The following AGBL1 variants were observed in gnomAD, a reference collection of about 807,000 sequenced individuals.
The protein encoded by AGBL1 is AGBL carboxypeptidase 1.
A neutral mutation model predicts 118.9 loss-of-function variants in AGBL1; 130 were observed. That is an observed-to-expected ratio of 1.09 (90% CI 0.95 to 1.26). The LOEUF (loss-of-function observed/expected upper bound fraction) is 1.26, where lower values mean the gene tolerates loss of function less well. AGBL1 is among the 50% of genes most tolerant of loss of function. The probability of loss-of-function intolerance (pLI) is 0.00; values close to 1 mark genes in which losing one functional copy is unlikely to be tolerated. For synonymous variants in AGBL1, 555 were observed against 478.9 expected (o/e 1.16, Z -2.08); for missense variants, 1,584 against 1,298.1 (o/e 1.22, Z -3.38).
intron 21 of AGBL1, among the ~76,000 whole-genome samples, chr15:86,652,307 A>T (rs919257828): frequency 1.4e-4 from 21 of 152,118 alleles, no homozygotes; most frequent in African/African-American, 4.8e-4. Flanking sequence ...GATAAAATCA[A>T]TTTCCATTTC....
At chr15:86,548,663 G>GCGCGCACACA (rs1028988193) in intron 20 of AGBL1, among the ~76,000 whole-genome samples, 1 of 142,694 alleles carries the variant, frequency 7.0e-6, no homozygotes, top group African/African-American at 2.6e-5. Flanking sequence ...ACACATGCAC[G>GCGCGCACACA]CACACACACA....
At chr15:86,156,521 A>G (rs528506205) in intron 4 of AGBL1, among the ~76,000 whole-genome samples, 1 of 152,260 alleles carries the variant, frequency 6.6e-6, no homozygotes, top group East Asian at 1.9e-4. Context: ...GCTTCAATGT[A>G]TGAATTTAGG....
intron 23 of AGBL1, among the ~76,000 whole-genome samples, chr15:86,961,098 C>T (rs2080988295): frequency 1.3e-5 from 2 of 152,050 alleles, no homozygotes; most frequent in African/African-American, 4.8e-5. Context: ...TATCCCCACA[C>T]TCCCACAGAC....
intron 22 of AGBL1, among the ~76,000 whole-genome samples, chr15:86,878,071 T>G (rs2079837695): frequency 6.6e-6 from 1 of 152,156 alleles, no homozygotes; most frequent in African/African-American, 2.4e-5. Flanking sequence ...GAGGGACTGA[T>G]TTCCACATGG....
chr15:86,154,474 G>A lies in AGBL1; in HGVS notation c.307G>A (p.Val103Met), dbSNP rs1022416065. The A allele has an allele frequency of 5.0e-6, 8 of 1,612,952 alleles. No individual in the cohort carries two copies. The highest frequency in any genetic ancestry group is 2.7e-5 in the African/African-American group (2 of 74,894). ...GGCCCTAGAATTGGAAGCACTTGAT[G>A]TGACATTGATTCTGGCCAGGAAGAA... ...RKALELEALD[V>M]TLILARKNLS... Residue 103 changes from valine to methionine, a missense_variant, in exon 4 of 23, where the codon GTG becomes ATG. Transcript: ENST00000614907.
rs763030106 is a variant in AGBL1 at position 86,911,811 on chromosome 15, A to G, written c.*4517A>G. 19 of 152,126 alleles carry G rather than the reference A, an allele frequency of 1.2e-4. No homozygotes were observed. The highest frequency in any genetic ancestry group is 3.4e-4 in the African/African-American group (14 of 41,422). 9.4% of individuals were successfully genotyped at this position (152,126 alleles called of 1,614,324 possible). On this transcript the variant is annotated 3_prime_UTR_variant, in exon 23 of 23. Transcript: ENST00000614907. ...CTATAAAACTTGTCCTCATCACCCA[A>G]TGCCAAGTTATATATAATCTCTCTT...
chr15:86,783,463 G>T (rs2141313899), intron 22 of AGBL1, among the ~76,000 whole-genome samples: 1 of 152,238 alleles, frequency 6.6e-6, no homozygotes, highest in East Asian at 1.9e-4. Context: ...CACAGCACAA[G>T]AACAGGAAGA....
At chr15:86,354,563 A>C (rs1395802659) in intron 17 of AGBL1, among the ~76,000 whole-genome samples, 1 of 152,214 alleles carries the variant, frequency 6.6e-6, no homozygotes, top group Non-Finnish European at 1.5e-5. Flanking sequence ...AAAACAGAGG[A>C]GAGACATATT....
intron 21 of AGBL1, among the ~76,000 whole-genome samples, chr15:86,607,221 C>CA (rs2142383027): frequency 6.6e-6 from 1 of 152,272 alleles, no homozygotes; most frequent in East Asian, 1.9e-4. Flanking sequence ...TAGTGAAGGA[C>CA]ACTTTGATTG....
intron 22 of AGBL1, among the ~76,000 whole-genome samples, chr15:86,899,147 A>G (rs888470433): frequency 3.3e-5 from 5 of 152,216 alleles, no homozygotes; most frequent in African/African-American, 1.2e-4. Flanking sequence ...TTAAATGCCC[A>G]TCGATGATAG....
At chr15:86,293,163 A>G (rs1423225434) in intron 16 of AGBL1, among the ~76,000 whole-genome samples, 1 of 152,236 alleles carries the variant, frequency 6.6e-6, no homozygotes, top group Non-Finnish European at 1.5e-5. Flanking sequence ...ACTTTAGGAC[A>G]TTCTTTTTCC....
At position 86,803,727 on chromosome 15, in the gene AGBL1, G is replaced by A. The variant is rs564630414; in HGVS notation, c.3159-103360G>A. 6.6e-5 allele frequency among the ~76,000 whole-genome samples: 10 copies of A among 152,244 alleles called. No individual in the cohort carries two copies. In the South Asian group the frequency reaches 2.1e-3, roughly 32 times the overall value. ...AAAAGTCTTGAAGGAAAGAGACTGG[G>A]AAAGATATAGTGCAGTGGTCCTCAA... On this transcript the variant is annotated intron_variant, in intron 22 of 22. Coordinates refer to ENST00000614907, the MANE Select transcript of AGBL1 (RefSeq NM_001386094.1).
chr15:87,020,120 A>C (rs1368617746), intron 24 of AGBL1, among the ~76,000 whole-genome samples: 2 of 152,110 alleles, frequency 1.3e-5, no homozygotes, highest in African/African-American at 4.8e-5. Context: ...GCAGTAATAG[A>C]TAGCCTACCA....
chr15:86,425,437 T>C (rs1210663022), intron 18 of AGBL1, among the ~76,000 whole-genome samples: 1 of 151,966 alleles, frequency 6.6e-6, no homozygotes, highest in African/African-American at 2.4e-5. Context: ...ATACCTAATG[T>C]AGATGATGAG....
At chr15:86,292,041 A>C (rs2079554813) in intron 16 of AGBL1, among the ~76,000 whole-genome samples, 1 of 152,208 alleles carries the variant, frequency 6.6e-6, no homozygotes, top group African/African-American at 2.4e-5. Flanking sequence ...TCTAAGACAC[A>C]GTTGGGTTTA....
intron 18 of AGBL1, among the ~76,000 whole-genome samples, chr15:86,431,890 C>T (rs2081939824): frequency 6.6e-6 from 1 of 152,116 alleles, no homozygotes; most frequent in South Asian, 2.1e-4. Context: ...TCAAAGGCTT[C>T]CCCTCCCTCC....
intron 1 of AGBL1, among the ~76,000 whole-genome samples, chr15:86,138,812 A>T (rs902674422): frequency 3.3e-5 from 5 of 152,106 alleles, no homozygotes; most frequent in African/African-American, 1.2e-4. Flanking sequence ...AAAGGCTTTT[A>T]TGCCCCTCCT....
At chr15:86,690,508 G>A (rs921204816) in intron 22 of AGBL1, among the ~76,000 whole-genome samples, 3 of 152,172 alleles carry the variant, frequency 2.0e-5, no homozygotes, top group Non-Finnish European at 2.9e-5. Flanking sequence ...CAAAAACGCT[G>A]AATTCTTCCC....
chr15:86,461,931 A>C (rs1252098489), intron 18 of AGBL1, among the ~76,000 whole-genome samples: 1 of 152,172 alleles, frequency 6.6e-6, no homozygotes, highest in African/African-American at 2.4e-5. Flanking sequence ...ACGGCTTGCA[A>C]CATCCGTTGC....
Sources: allele counts gnomAD v4.1 joint callset (sites outside exome capture counted in the v4.1 genomes callset), GRCh38; gene constraint gnomAD v4.1.1; transcripts MANE v1.5; gene names NCBI Gene and HGNC (gene_info 2026-07-23, HGNC 2026-07-21).